The following ERC2 variants were observed in gnomAD, a reference collection of about 807,000 sequenced individuals.
ERC2 encodes ELKS/RAB6-interacting/CAST family member 2, also known as ERC protein 2.
In ERC2, 42 loss-of-function variants were observed where a neutral mutation model predicts 114.8. The observed-to-expected ratio is 0.37, with a 90% CI of 0.29 to 0.47. The LOEUF (loss-of-function observed/expected upper bound fraction) is 0.47, where lower values mean the gene tolerates loss of function less well. Ranked by LOEUF, ERC2 falls within the 20% of genes least tolerant of loss-of-function variation. The pLI, the probability that ERC2 is intolerant of heterozygous loss-of-function variation, is 0.99. For synonymous variants in ERC2, 454 were observed against 425.5 expected, an observed-to-expected ratio of 1.07 and a Z score of -0.82; for missense variants, 939 against 1,150.7, an observed-to-expected ratio of 0.82 and a Z score of 2.66.
At chr3:55,678,582 G>C (rs2061918610) in intron 17 of ERC2, among the ~76,000 whole-genome samples, 1 of 152,120 alleles carries the variant, frequency 6.6e-6, no homozygotes, top group Admixed American at 6.5e-5. Flanking sequence ...AGTTGGAGGA[G>C]CCACCCACTC....
chr3:56,098,250 C>T (rs1391194285), intron 6 of ERC2, among the ~76,000 whole-genome samples: 3 of 152,166 alleles, frequency 2.0e-5, no homozygotes, highest in Non-Finnish European at 1.5e-5. Flanking sequence ...ATATATTGCC[C>T]GACTCCTTTA....
At chr3:55,980,014 A>G (rs575434565) in intron 12 of ERC2, among the ~76,000 whole-genome samples, 1 of 140,482 alleles carries the variant, frequency 7.1e-6, no homozygotes, top group East Asian at 2.1e-4. Context: ...ATTTATTCCC[A>G]TCCCCAAACA....
chr3:55,803,832 G>A (rs2059394309), intron 14 of ERC2, among the ~76,000 whole-genome samples: 1 of 152,054 alleles, frequency 6.6e-6, no homozygotes. Flanking sequence ...TTGCTTTTTA[G>A]CAACTTTCAA....
At chr3:55,699,147 G>A (rs1231933077) in intron 16 of ERC2, among the ~76,000 whole-genome samples, 4 of 152,064 alleles carry the variant, frequency 2.6e-5, no homozygotes, top group African/African-American at 9.7e-5. Flanking sequence ...AGAAAGGAGG[G>A]GAGGAAAGAA....
intron 3 of ERC2, among the ~76,000 whole-genome samples, chr3:56,255,922 T>C (rs2052484138): frequency 6.6e-6 from 1 of 152,188 alleles, no homozygotes; most frequent in African/African-American, 2.4e-5. Flanking sequence ...CCTAATTAAC[T>C]GAAAGCTGCA....
At chr3:56,460,854 C>T (rs529335181) in intron 1 of ERC2, among the ~76,000 whole-genome samples, 1 of 151,972 alleles carries the variant, frequency 6.6e-6, no homozygotes, top group South Asian at 2.1e-4. Context: ...AGCGTGGTGG[C>T]TCACGCCTGT....
intron 7 of ERC2, among the ~76,000 whole-genome samples, chr3:56,046,004 G>A (rs187376930): frequency 1.3e-5 from 2 of 152,154 alleles, no homozygotes; most frequent in East Asian, 3.8e-4. Flanking sequence ...ACCTGATAAT[G>A]CAGATTCCTG....
chr3:55,560,243 A>T (rs565023280), intron 17 of ERC2, among the ~76,000 whole-genome samples: 2 of 152,346 alleles, frequency 1.3e-5, no homozygotes, highest in South Asian at 4.1e-4. Flanking sequence ...ACTTAAAAAA[A>T]CAGGCAGTGG....
At chr3:56,440,835 C>A (rs1273389033) in intron 1 of ERC2, among the ~76,000 whole-genome samples, 1 of 152,082 alleles carries the variant, frequency 6.6e-6, no homozygotes, top group Non-Finnish European at 1.5e-5. Context: ...TCTCCATTTC[C>A]CACTTAACAT....
At chr3:55,575,493 G>T (rs570137214) in intron 17 of ERC2, among the ~76,000 whole-genome samples, 2 of 152,328 alleles carry the variant, frequency 1.3e-5, no homozygotes, top group African/African-American at 4.8e-5. Flanking sequence ...GTAACCTCTT[G>T]ATTGCATCAT....
At chr3:55,732,945 C>T (rs2065346818) in intron 15 of ERC2, among the ~76,000 whole-genome samples, 1 of 149,686 alleles carries the variant, frequency 6.7e-6, no homozygotes, top group South Asian at 2.1e-4. Flanking sequence ...TGCACCCCCA[C>T]CCCCAATGAC....
chr3:56,244,755 T>G (rs1269257156), intron 3 of ERC2, among the ~76,000 whole-genome samples: 1 of 152,200 alleles, frequency 6.6e-6, no homozygotes, highest in Non-Finnish European at 1.5e-5. Flanking sequence ...GTGTACAGTG[T>G]TTGTAAAGTC....
chr3:56,148,989 A>C lies in ERC2; in HGVS notation c.1293T>G (p.Phe431Leu). The change falls in exon 5 of 18, where the codon TTT becomes TTG. Residue 431 changes from phenylalanine to leucine, a missense_variant. Coordinates refer to ENST00000288221, the MANE Select transcript of ERC2 (RefSeq NM_015576.3). Reference protein sequence around the residue: ...QIEVYKSHSKFMKTKIDQLKQ... With the variant: ...QIEVYKSHSKLMKTKIDQLKQ... ...CCCTGGACCGTACCTTGGTCTTCAT[A>C]AACTTGGAGTGACTTTTGTAAACCT... 6.2e-7 allele frequency: 1 copy of C among 1,613,242 alleles called. No homozygotes were observed. Among genetic ancestry groups the C allele is most frequent in the Admixed American group, 1.7e-5 (1 of 59,960 alleles).
At chr3:55,795,109 T>G (rs561972796) in intron 14 of ERC2, among the ~76,000 whole-genome samples, 13 of 152,312 alleles carry the variant, frequency 8.5e-5, no homozygotes, top group African/African-American at 3.1e-4. Flanking sequence ...CAGCTTTTTT[T>G]AAATCCTAAA....
intron 14 of ERC2, among the ~76,000 whole-genome samples, chr3:55,866,587 T>C (rs1210487155): frequency 6.6e-6 from 1 of 152,196 alleles, no homozygotes; most frequent in Non-Finnish European, 1.5e-5. Context: ...GTAGGAGTGT[T>C]ACAGTTTTAA....
chr3:55,927,767 G>A (rs188318986), intron 13 of ERC2, among the ~76,000 whole-genome samples: 5 of 151,886 alleles, frequency 3.3e-5, no homozygotes, highest in African/African-American at 4.8e-5. Context: ...ACCCTTCCCA[G>A]CCTCTGGTAA....
At position 56,173,817 on chromosome 3, in the gene ERC2, C is replaced by A. The variant is rs553236286; in HGVS notation, c.1075-297G>T. On this transcript the variant is annotated intron_variant, in intron 3 of 17. Coordinates refer to ENST00000288221, the MANE Select transcript of ERC2 (RefSeq NM_015576.3). ...TACTGTTCAACACTGGGGCTGATGC[C>A]CAGCCATCAAATCATAATTTACTAA... The A allele has an allele frequency of 7.5e-4, 221 of 293,016 alleles. 4 individuals are homozygous for A. In the South Asian group the frequency reaches 0.013, roughly 17 times the overall value. 18.2% of individuals were successfully genotyped at this position (293,016 alleles called of 1,614,324 possible). A position where few individuals can be genotyped will look rare whatever the true frequency, so the allele number is the denominator to read the frequency against.
chr3:55,557,125 G>A (rs1173226705), intron 17 of ERC2, among the ~76,000 whole-genome samples: 1 of 152,224 alleles, frequency 6.6e-6, no homozygotes, highest in African/African-American at 2.4e-5. Flanking sequence ...CAAGGAGTGA[G>A]AGCCTTCTTC....
intron 7 of ERC2, among the ~76,000 whole-genome samples, chr3:56,048,328 A>T (rs1376044135): frequency 2.6e-5 from 4 of 152,316 alleles, no homozygotes; most frequent in South Asian, 2.1e-4. Context: ...AATGATCCCT[A>T]TTTTACAGAC....
Sources: gnomAD v4.1 joint callset for allele counts (sites outside exome capture counted in the v4.1 genomes callset) on GRCh38, gnomAD v4.1.1 for gene constraint, MANE v1.5 for transcripts, NCBI Gene and HGNC (gene_info 2026-07-23, HGNC 2026-07-21) for gene names.